Variants in APBA1 observed in about 807,000 individuals in gnomAD.
APBA1 encodes amyloid beta precursor protein binding family A member 1, also known as amyloid-beta A4 precursor protein-binding family A member 1.
A neutral mutation model predicts 86.6 loss-of-function variants in APBA1; 55 were observed. The observed-to-expected ratio is 0.64, with a 90% CI of 0.51 to 0.80. The LOEUF (loss-of-function observed/expected upper bound fraction) is 0.80. Ranked by LOEUF, APBA1 falls within the 30% of genes least tolerant of loss-of-function variation. APBA1 has a pLI of 0.00. For synonymous variants in APBA1, 511 were observed against 493.9 expected (o/e 1.03, Z -0.46); for missense variants, 1,090 against 1,183.0 (o/e 0.92, Z 1.15).
intron 1 of APBA1, among the ~76,000 whole-genome samples, chr9:69,650,043 C>A (rs550120340): frequency 1.4e-4 from 22 of 152,278 alleles, no homozygotes; most frequent in African/African-American, 4.3e-4. Flanking sequence ...TGCCTCCTCC[C>A]CCATGAATAA....
chr9:69,483,256 CAG>C (rs1177686835), intron 2 of APBA1, among the ~76,000 whole-genome samples: 1 of 151,532 alleles, frequency 6.6e-6, no homozygotes, highest in Non-Finnish European at 1.5e-5. Context: ...GCATAAAACA[CAG>C]AGAAAAACTA....
chr9:69,432,647 A>G lies in APBA1; in HGVS notation c.2331T>C (p.Ala777=), dbSNP rs1299287194. The G allele has an allele frequency of 1.2e-6, 2 of 1,600,564 alleles. No homozygotes were observed. The highest frequency in any genetic ancestry group is 1.7e-6 in the Non-Finnish European group (2 of 1,174,708). ...IICSLMRGGI[A]ERGGVRVGHR... is the part of the protein sequence containing the mutation. ...GCCCCACACGGACGCCTCCTCTCTC[A>G]GCTATTCCCCCTCGCATGAGGCTGC... is the stretch of plus-strand genomic sequence containing the variant. The change falls in exon 12 of 13, where the codon GCT becomes GCC. Residue 777 remains alanine (A), a synonymous_variant. Coordinates refer to ENST00000265381, the MANE Select transcript of APBA1 (RefSeq NM_001163.4).
chr9:69,441,743 G>T (rs1287659408), intron 10 of APBA1, among the ~76,000 whole-genome samples: 1 of 152,218 alleles, frequency 6.6e-6, no homozygotes, highest in Non-Finnish European at 1.5e-5. Flanking sequence ...TGTAGGATGG[G>T]TGTTGATGGA....
chr9:69,658,438 A>T (rs1436533205), intron 1 of APBA1, among the ~76,000 whole-genome samples: 1 of 147,004 alleles, frequency 6.8e-6, no homozygotes, highest in Non-Finnish European at 1.5e-5. Flanking sequence ...TTTGAGACAG[A>T]GACTTGCTTT....
intron 8 of APBA1, among the ~76,000 whole-genome samples, chr9:69,454,395 A>T (rs888629703): frequency 6.6e-6 from 1 of 152,228 alleles, no homozygotes. Flanking sequence ...TGGTGAATAC[A>T]CTGGCTACTG....
intron 1 of APBA1, among the ~76,000 whole-genome samples, chr9:69,541,506 TAAAAG>T (rs1564071729): frequency 6.6e-6 from 1 of 152,028 alleles, no homozygotes; most frequent in East Asian, 1.9e-4. Flanking sequence ...TATGTCCTCT[TAAAAG>T]AAATGTCTAT....
chr9:69,490,809 CATCTCAAA>C (rs1835696404), intron 2 of APBA1, among the ~76,000 whole-genome samples: 2 of 152,088 alleles, frequency 1.3e-5, no homozygotes, highest in Non-Finnish European at 2.9e-5. Flanking sequence ...TGAACAGACA[CATCTCAAA>C]AGAAGACATT....
intron 1 of APBA1, among the ~76,000 whole-genome samples, chr9:69,570,778 T>C (rs10780527): frequency 0.54 from 81,353 of 151,982 alleles, 23,390 homozygotes; most frequent in East Asian, 0.83. Context: ...GTAAGTGCCA[T>C]ATACAAACAT....
At position 69,428,058 on chromosome 9, in the gene APBA1, G is replaced by A. The variant is rs954220043; in HGVS notation, c.*3269C>T. 1.3e-5 allele frequency: 2 copies of A among 152,204 alleles called. No homozygotes were observed. The highest frequency in any genetic ancestry group is 4.8e-5 in the African/African-American group (2 of 41,446). The allele number at this position is 152,204 out of a possible 1,614,324, so 9.4% of individuals were successfully genotyped here. On this transcript the variant is annotated 3_prime_UTR_variant, in exon 13 of 13. Coordinates refer to ENST00000265381, the MANE Select transcript of APBA1 (RefSeq NM_001163.4). ...GAGACACATGAAACTCAAACCAACA[G>A]GTGGCCTGTGAATGCGAGTAAACAC... is the stretch of plus-strand genomic sequence containing the variant.
At chr9:69,658,299 TC>T (rs879792851) in intron 1 of APBA1, among the ~76,000 whole-genome samples, 1,131 of 88,916 alleles carry the variant, frequency 0.013, 57 homozygotes, top group Middle Eastern at 0.032. Flanking sequence ...TCTCTTTCTC[TC>T]TCTCTCTTTC....
At chr9:69,607,825 G>A (rs1373223583) in intron 1 of APBA1, among the ~76,000 whole-genome samples, 1 of 152,176 alleles carries the variant, frequency 6.6e-6, no homozygotes, top group African/African-American at 2.4e-5. Flanking sequence ...CTTACTGGCT[G>A]TTTGATAGGT....
intron 1 of APBA1, among the ~76,000 whole-genome samples, chr9:69,602,975 G>C (rs1323037305): frequency 6.6e-6 from 1 of 152,190 alleles, no homozygotes; most frequent in Non-Finnish European, 1.5e-5. Flanking sequence ...ACTTTTGGCA[G>C]CAAATCAACA....
chr9:69,655,946 C>T (rs560898470), intron 1 of APBA1, among the ~76,000 whole-genome samples: 9 of 152,306 alleles, frequency 5.9e-5, no homozygotes, highest in East Asian at 1.9e-4. Context: ...GACTGACATG[C>T]TAACTACTCT....
At chr9:69,433,310 C>T (rs888210570) in intron 11 of APBA1, among the ~76,000 whole-genome samples, 1 of 152,224 alleles carries the variant, frequency 6.6e-6, no homozygotes, top group African/African-American at 2.4e-5. Context: ...CGCCCTCCAC[C>T]CTTACCTCAC....
chr9:69,517,050 C>G lies in APBA1; in HGVS notation c.161G>C (p.Gly54Ala). 6.3e-7 allele frequency: 1 copy of G among 1,582,220 alleles called. No individual in the cohort carries two copies. The highest frequency in any genetic ancestry group is 8.5e-7 in the Non-Finnish European group (1 of 1,170,634). ...QQHYVGRHQR[G>A]RALEDLRAQL... Reference sequence around the variant, plus strand: ...GGCGCGGAGGTCCTCGAGGGCTCGCCCGCGCTGGTGGCGGCCCACATAGTG... The same window carrying G: ...GGCGCGGAGGTCCTCGAGGGCTCGCGCGCGCTGGTGGCGGCCCACATAGTG... The change falls in exon 2 of 13, where the codon GGG becomes GCG. Residue 54 changes from glycine (G) to alanine (A), a missense_variant. Gly to Ala is a moderately conservative substitution (Grantham distance 60, BLOSUM62 0). This residue lies in a region of APBA1 where 678 missense variants were observed against 647.1 expected (regional missense o/e 1.05). Coordinates refer to ENST00000265381, the MANE Select transcript of APBA1 (RefSeq NM_001163.4).
chr9:69,505,273 G>A (rs963159011), intron 2 of APBA1, among the ~76,000 whole-genome samples: 3 of 152,064 alleles, frequency 2.0e-5, no homozygotes, highest in African/African-American at 7.2e-5. Context: ...TAAGGCTTTG[G>A]GGTTTATTTC....
intron 2 of APBA1, among the ~76,000 whole-genome samples, chr9:69,512,535 T>G (rs1242193755): frequency 6.6e-6 from 1 of 152,234 alleles, no homozygotes; most frequent in African/African-American, 2.4e-5. Flanking sequence ...ATTCTGCTTT[T>G]GTAAGAATAC....
chr9:69,431,499 G>A, intron 12 of APBA1, 101 bp from the exon 13 acceptor site: 1 of 1,015,738 alleles, frequency 9.8e-7, no homozygotes. Flanking sequence ...CTCCCACAGA[G>A]GGCTTTGAAG....
chr9:69,658,284 C>CTTTCTTTCTTTCTTTCTTTCTT (rs370230255), intron 1 of APBA1, among the ~76,000 whole-genome samples: 9 of 75,482 alleles, frequency 1.2e-4, no homozygotes, highest in Non-Finnish European at 1.8e-4. Flanking sequence ...TTCTTTCTTT[C>CTTTCTTTCTTTCTTTCTTTCTT]TCTCTCTCTT....
Sources: allele counts gnomAD v4.1 joint callset (sites outside exome capture counted in the v4.1 genomes callset), GRCh38; gene constraint gnomAD v4.1.1; regional missense constraint gnomAD v4.1.1; transcripts MANE v1.5; gene names NCBI Gene and HGNC (gene_info 2026-07-23, HGNC 2026-07-21).